RASGRP3: variants seen among roughly 807,000 people sequenced by gnomAD.
RASGRP3 encodes RAS guanyl releasing protein 3.
RASGRP3 carries 54 observed loss-of-function variants against 82.7 expected under a neutral mutation model. The observed-to-expected ratio is 0.65, with a 90% CI of 0.52 to 0.82. The LOEUF is 0.82. Among genes scored for constraint, RASGRP3 ranks in the 40% least tolerant of loss-of-function variants. The pLI, the probability that RASGRP3 is intolerant of heterozygous loss-of-function variation, is 0.00. For synonymous variants in RASGRP3, 309 were observed against 300.5 expected (o/e 1.03, Z -0.29); for missense variants, 861 against 828.9 (o/e 1.04, Z -0.48).
At chr2:33,489,798 A>G (rs1432825301) in intron 1 of RASGRP3, among the ~76,000 whole-genome samples, 1 of 152,174 alleles carries the variant, frequency 6.6e-6, no homozygotes, top group East Asian at 1.9e-4. Flanking sequence ...CAGCCTCCCC[A>G]TGTGCTGGGA....
intron 2 of RASGRP3, among the ~76,000 whole-genome samples, chr2:33,513,222 C>G (rs1330179682): frequency 6.6e-6 from 1 of 152,216 alleles, no homozygotes; most frequent in Non-Finnish European, 1.5e-5. Context: ...GTACCTTCAG[C>G]ACAAGAATCT....
At chr2:33,458,385 T>C (rs1343958096) in intron 2 of RASGRP3, among the ~76,000 whole-genome samples, 3 of 152,244 alleles carry the variant, frequency 2.0e-5, no homozygotes, top group Non-Finnish European at 4.4e-5. Flanking sequence ...CTCAGTTGTT[T>C]GTGTTTTAGA....
intron 12 of RASGRP3, among the ~76,000 whole-genome samples, chr2:33,543,188 G>T (rs1322010045): frequency 6.6e-6 from 1 of 151,924 alleles, no homozygotes; most frequent in Admixed American, 6.6e-5. Context: ...AATTAAAAAT[G>T]TTTTTTTGTA....
intron 1 of RASGRP3, among the ~76,000 whole-genome samples, chr2:33,502,501 CTTTTTTTTTT>C (rs3083004): frequency 7.4e-6 from 1 of 135,752 alleles, no homozygotes; most frequent in Admixed American, 7.5e-5. Flanking sequence ...TTTTTTCTTT[CTTTTTTTTTT>C]TTTTGAGATG....
At chr2:33,491,827 G>A (rs867457773) in intron 1 of RASGRP3, among the ~76,000 whole-genome samples, 1 of 152,238 alleles carries the variant, frequency 6.6e-6, no homozygotes, top group Non-Finnish European at 1.5e-5. Context: ...GGTGAGGCTG[G>A]TGGACAGCAC....
Position 33,563,662 on chromosome 2 carries a change from T to TA in RASGRP3, c.*928dup, listed in dbSNP as rs35972837. On this transcript the variant is annotated 3_prime_UTR_variant, in exon 18 of 18. Transcript: ENST00000403687. ...AATGCAAAACAACCATCAATTTTTTTAAACTCAATAATTTTGTGAAAAAAA... is the reference window on the plus strand; with the variant it reads ...AATGCAAAACAACCATCAATTTTTTTAAAACTCAATAATTTTGTGAAAAAAA... The TA allele has an allele frequency of 2.0e-5, 3 of 151,716 alleles. No individual in the cohort carries two copies. Among genetic ancestry groups the TA allele is most frequent in the Non-Finnish European group, 4.4e-5 (3 of 68,002 alleles). 9.4% of individuals were successfully genotyped at this position (151,716 alleles called of 1,614,324 possible).
chr2:33,555,652 C>A, intron 15 of RASGRP3, 85 bp downstream of exon 15: 1 of 1,199,706 alleles, frequency 8.3e-7, no homozygotes, highest in Non-Finnish European at 1.2e-6. Flanking sequence ...TACAAAAGCT[C>A]TTGCCATTAT....
intron 17 of RASGRP3, 40 bp from the exon 18 acceptor site, chr2:33,562,689 T>C (rs781209988): frequency 1.2e-6 from 2 of 1,607,686 alleles, no homozygotes; most frequent in Non-Finnish European, 1.7e-6. Flanking sequence ...TTTTGTTATA[T>C]GAGATCCAGC....
intron 2 of RASGRP3, among the ~76,000 whole-genome samples, chr2:33,459,863 T>G (rs774287412): frequency 1.3e-5 from 2 of 152,184 alleles, no homozygotes; most frequent in African/African-American, 4.8e-5. Flanking sequence ...TTTGGCAGCC[T>G]TGAGTTCTCT....
At chr2:33,555,702 G>GAT in intron 15 of RASGRP3, 135 bp downstream of exon 15, 1 of 748,190 alleles carries the variant, frequency 1.3e-6, no homozygotes. Flanking sequence ...AACTGAGAAT[G>GAT]ATTGCCTCTG....
At chr2:33,518,199 C>G (rs1238218304) in intron 4 of RASGRP3, among the ~76,000 whole-genome samples, 1 of 152,218 alleles carries the variant, frequency 6.6e-6, no homozygotes, top group Non-Finnish European at 1.5e-5. Flanking sequence ...CTGTAGCCTA[C>G]TACACACCTA....
chr2:33,446,621 T>C (rs1665517123), intron 1 of RASGRP3, among the ~76,000 whole-genome samples: 5 of 152,102 alleles, frequency 3.3e-5, no homozygotes, highest in Admixed American at 2.6e-4. Context: ...TGTGCATGAT[T>C]GTCCAGTTCT....
upstream of RASGRP3, among the ~76,000 whole-genome samples, chr2:33,474,781 C>T (rs1439573311): frequency 6.6e-6 from 1 of 152,206 alleles, no homozygotes; most frequent in African/African-American, 2.4e-5. Context: ...GCCTGCAGAA[C>T]CATGAACCAA....
chr2:33,489,658 C>T (rs1170458086), intron 1 of RASGRP3, among the ~76,000 whole-genome samples: 1 of 152,158 alleles, frequency 6.6e-6, no homozygotes, highest in African/African-American at 2.4e-5. Context: ...CTCTCTGCCT[C>T]CCAAGTTGCT....
chr2:33,496,303 G>A (rs995303567), intron 1 of RASGRP3, among the ~76,000 whole-genome samples: 2 of 152,226 alleles, frequency 1.3e-5, no homozygotes, highest in Non-Finnish European at 2.9e-5. Context: ...CAGGAACTCT[G>A]CTCTTGCATT....
intron 1 of RASGRP3, among the ~76,000 whole-genome samples, chr2:33,488,472 A>G (rs1035278352): frequency 1.3e-5 from 2 of 152,348 alleles, no homozygotes; most frequent in Admixed American, 6.5e-5. Context: ...TCAAGGCTCA[A>G]TGGGACCAAG....
chr2:33,480,898 G>A (rs1465329210), intron 1 of RASGRP3, among the ~76,000 whole-genome samples: 1 of 151,870 alleles, frequency 6.6e-6, no homozygotes, highest in Non-Finnish European at 1.5e-5. Context: ...GCTGTGCTTT[G>A]ATCTTTGAGC....
intron 2 of RASGRP3, among the ~76,000 whole-genome samples, chr2:33,448,454 T>C (rs1665615818): frequency 6.6e-6 from 1 of 152,202 alleles, no homozygotes; most frequent in African/African-American, 2.4e-5. Context: ...AAATGTGGCA[T>C]AGACATGCAA....
chr2:33,540,011 GAAA>G (rs1674094145), intron 12 of RASGRP3: 2 of 144,090 alleles, frequency 1.4e-5, no homozygotes, highest in South Asian at 4.5e-4. Context: ...GAAAAGAAAA[GAAA>G]AGAAAAAAGA....
Sources: allele counts gnomAD v4.1 joint callset (sites outside exome capture counted in the v4.1 genomes callset), GRCh38; gene constraint gnomAD v4.1.1; transcripts MANE v1.5; gene names NCBI Gene and HGNC (gene_info 2026-07-23, HGNC 2026-07-21).